The following NTAN1 variants were observed in gnomAD, a reference collection of about 807,000 sequenced individuals.
NTAN1 encodes the protein N-terminal asparagine amidase, also known as protein N-terminal asparagine amidohydrolase.
NTAN1 carries 32 observed loss-of-function variants against 41.9 expected under a neutral mutation model. The observed-to-expected ratio is 0.76, with a 90% CI of 0.58 to 1.03. The LOEUF is 1.03. Ranked by LOEUF, NTAN1 falls within the 50% of genes least tolerant of loss-of-function variation. NTAN1 has a pLI of 0.00. For synonymous variants in NTAN1, 140 were observed against 139.5 expected, an observed-to-expected ratio of 1.00 and a Z score of -0.03; for missense variants, 377 against 377.5, an observed-to-expected ratio of 1.00 and a Z score of 0.01.
intron 1 of NTAN1, 134 bp from the exon 2 acceptor site, chr16:15,048,233 A>G: frequency 1.6e-6 from 1 of 627,210 alleles, no homozygotes; most frequent in East Asian, 2.7e-5. Context: ...GTGGACAGAG[A>G]GGCTCAAAGA....
intron 1 of NTAN1, 98 bp downstream of exon 1, chr16:15,055,793 C>G (rs2151740309): frequency 1.6e-6 from 1 of 629,524 alleles, no homozygotes; most frequent in East Asian, 3.5e-5. Flanking sequence ...GTGCCAACAG[C>G]GCCAAGTTTC....
intron 5 of NTAN1, 132 bp from the exon 6 acceptor site, chr16:15,041,808 C>T: frequency 1.4e-6 from 1 of 709,216 alleles, no homozygotes; most frequent in East Asian, 2.7e-5. Flanking sequence ...CGCGCCCACA[C>T]TGCCACAGCC....
chr16:15,050,990 G>C (rs1343607864), intron 1 of NTAN1, among the ~76,000 whole-genome samples: 1 of 152,164 alleles, frequency 6.6e-6, no homozygotes, highest in Non-Finnish European at 1.5e-5. Context: ...CTAAAACTCA[G>C]AACACCTGTA....
At chr16:15,040,770 G>T (rs762033790) in intron 7 of NTAN1, among the ~76,000 whole-genome samples, 20 of 152,160 alleles carry the variant, frequency 1.3e-4, no homozygotes, top group Non-Finnish European at 2.6e-4. Context: ...GGGGGAGAGG[G>T]AAACAAAACC....
In NTAN1 at chr16:15,040,019, G is replaced by T. The variant is rs1333658084; in HGVS notation, c.589C>A (p.Arg197=). 14 of 1,611,610 alleles carry T rather than the reference G, an allele frequency of 8.7e-6. No homozygotes were observed. The highest frequency in any genetic ancestry group is 1.6e-4 in the Middle Eastern group (1 of 6,076). The change falls in exon 8 of 10, where the codon CGG becomes AGG. Residue 197 remains arginine (R), a synonymous_variant. Coordinates refer to ENST00000287706, the MANE Select transcript of NTAN1 (RefSeq NM_173474.4). ...GCACGAAGCTGCTCCTCCGGACCCC[G>T]ATCTTGAAAGGATGCTCTGTAAATC... The part of the protein sequence containing the change: ...AEIYRASFQD[R]GPEEQLRAAR...
intron 8 of NTAN1, among the ~76,000 whole-genome samples, chr16:15,039,601 A>T (rs995583708): frequency 1.3e-5 from 2 of 152,208 alleles, no homozygotes; most frequent in Non-Finnish European, 2.9e-5. Flanking sequence ...GTCCAAAAGA[A>T]TGCATAGTCC....
At position 15,044,314 on chromosome 16, in the gene NTAN1, GA is replaced by G. The variant is rs748843881; in HGVS notation, c.433+19del. The G allele has an allele frequency of 9.4e-4, 1,338 of 1,428,584 alleles. No homozygotes were observed. Among genetic ancestry groups the G allele is most frequent in the Middle Eastern group, 1.3e-3 (7 of 5,318 alleles). The allele number at this position is 1,428,584 out of a possible 1,614,324, so 88.5% of individuals were successfully genotyped here. A position where few individuals can be genotyped will look rare whatever the true frequency, so the allele number is the denominator to read the frequency against. On this transcript the variant is annotated intron_variant, in intron 5 of 9. Transcript: ENST00000287706. ...ATATTTATGTCCAATTTGGGGGAAAGAAAAAAAAAATGAACTTACTAAGAAG... is the reference window on the plus strand; with the variant it reads ...ATATTTATGTCCAATTTGGGGGAAAGAAAAAAAAATGAACTTACTAAGAAG...
chr16:15,039,701 G>A (rs1280473861), intron 8 of NTAN1, among the ~76,000 whole-genome samples: 1 of 152,124 alleles, frequency 6.6e-6, no homozygotes, highest in African/African-American at 2.4e-5. Flanking sequence ...AGTAACAGAA[G>A]TTTGTTCTCT....
rs2043641994 is a variant in NTAN1 at position 15,038,399 on chromosome 16, G to A, written c.753+175C>T. On this transcript the variant is annotated intron_variant, in intron 9 of 9. Transcript: ENST00000287706. Reference sequence around the variant, plus strand: ...TTTACCCACACACATTTCCATCTAGGACTTGACATATCCCCATTTGATATA... The same window carrying A: ...TTTACCCACACACATTTCCATCTAGAACTTGACATATCCCCATTTGATATA... 4 of 623,040 alleles carry A rather than the reference G, an allele frequency of 6.4e-6. No individual in the cohort carries two copies. In the Admixed American group the frequency reaches 9.4e-5, roughly 15 times the overall value. The allele number at this position is 623,040 out of a possible 1,614,324, so 38.6% of individuals were successfully genotyped here. A position where few individuals can be genotyped will look rare whatever the true frequency, so the allele number is the denominator to read the frequency against.
chr16:15,042,166 T>C (rs2043844380), intron 5 of NTAN1, among the ~76,000 whole-genome samples: 1 of 151,200 alleles, frequency 6.6e-6, no homozygotes, highest in African/African-American at 2.4e-5. Flanking sequence ...CAGAGCTGAC[T>C]ATAAAGACAA....
chr16:15,038,875 G>A (rs1277220276), intron 8 of NTAN1, among the ~76,000 whole-genome samples, 188 bp from the exon 9 acceptor site: 1 of 152,156 alleles, frequency 6.6e-6, no homozygotes, highest in Non-Finnish European at 1.5e-5. Flanking sequence ...CACACTGTGG[G>A]GCACGCACGA....
At chr16:15,042,899 AT>A (rs1193801850) in intron 5 of NTAN1, among the ~76,000 whole-genome samples, 183 of 121,482 alleles carry the variant, frequency 1.5e-3, no homozygotes, top group Middle Eastern at 4.6e-3. Flanking sequence ...TGCCCAGCTA[AT>A]TTTTTTTTTT....
At chr16:15,044,727 TA>T (rs1230693812) in intron 4 of NTAN1, 6 of 349,740 alleles carry the variant, frequency 1.7e-5, no homozygotes, top group Non-Finnish European at 3.1e-5. Flanking sequence ...CTCACATCTG[TA>T]ATCCTAGCAC....
Position 15,039,991 on chromosome 16 carries a change from G to A in NTAN1, c.617C>T (p.Ala206Val), listed in dbSNP as rs1357801427. 3.7e-6 allele frequency: 6 copies of A among 1,605,552 alleles called. No individual in the cohort carries two copies. The highest frequency in any genetic ancestry group is 1.7e-5 in the Admixed American group (1 of 59,632). Residue 206 changes from alanine (A) to valine (V), a missense_variant, in exon 8 of 10, where the codon GCG becomes GTG. Transcript: ENST00000287706. ...CACTGGTCCTCCTGCTAAAGTTCGCGCAGCACGAAGCTGCTCCTCCGGACC... is the reference window on the plus strand; with the variant it reads ...CACTGGTCCTCCTGCTAAAGTTCGCACAGCACGAAGCTGCTCCTCCGGACC... Reference protein sequence around the residue: ...DRGPEEQLRAARTLAGGPMIS... With the variant: ...DRGPEEQLRAVRTLAGGPMIS...
At chr16:15,039,939 A>G in intron 8 of NTAN1, 30 bp downstream of exon 8, 1 of 1,287,886 alleles carries the variant, frequency 7.8e-7, no homozygotes, top group Non-Finnish European at 1.1e-6. Flanking sequence ...TTTTTTTTTA[A>G]CCCCTTAACA....
intron 1 of NTAN1, among the ~76,000 whole-genome samples, chr16:15,055,385 A>C (rs1597830291): frequency 6.6e-6 from 1 of 152,278 alleles, no homozygotes; most frequent in East Asian, 1.9e-4. Context: ...CCCCGGGGGT[A>C]GGGGAGAGAG....
At chr16:15,054,961 G>A (rs1413840246) in intron 1 of NTAN1, among the ~76,000 whole-genome samples, 10 of 152,112 alleles carry the variant, frequency 6.6e-5, no homozygotes, top group Admixed American at 6.5e-4. Flanking sequence ...GAAAGGGGAC[G>A]CTTTTTCTTT....
chr16:15,040,514 T>A (rs1328206156), intron 7 of NTAN1: 1 of 175,132 alleles, frequency 5.7e-6, no homozygotes, highest in Admixed American at 5.7e-5. Context: ...CAATCAAGTA[T>A]CACCGCTACA....
chr16:15,052,586 G>A (rs2044339023), intron 1 of NTAN1, among the ~76,000 whole-genome samples: 1 of 152,204 alleles, frequency 6.6e-6, no homozygotes. Context: ...TGTAATCCCA[G>A]CACTTTGGAG....
Sources: gnomAD v4.1 joint callset for allele counts (sites outside exome capture counted in the v4.1 genomes callset) on GRCh38, gnomAD v4.1.1 for gene constraint, MANE v1.5 for transcripts, NCBI Gene and HGNC (gene_info 2026-07-23, HGNC 2026-07-21) for gene names.